AUTS2: variants seen among roughly 807,000 people sequenced by gnomAD.
AUTS2 encodes activator of transcription and developmental regulator AUTS2, also known as autism susceptibility gene 2 protein.
Under a neutral mutation model 112.4 loss-of-function variants are expected in AUTS2, and 17 were observed. The ratio of observed to expected loss-of-function variants is 0.15; its 90% CI spans 0.10 to 0.23. AUTS2 has a LOEUF of 0.23. Ranked by LOEUF, AUTS2 falls within the 10% of genes least tolerant of loss-of-function variation. AUTS2 has a pLI of 1.00. For synonymous variants in AUTS2, 751 were observed against 702.7 expected, an observed-to-expected ratio of 1.07 and a Z score of -1.09; for missense variants, 1,510 against 1,701.6, an observed-to-expected ratio of 0.89 and a Z score of 1.98.
At chr7:69,886,598 T>A (rs951655707) in intron 1 of AUTS2, among the ~76,000 whole-genome samples, 2 of 152,206 alleles carry the variant, frequency 1.3e-5, no homozygotes, top group Admixed American at 1.3e-4. Context: ...AGAATGTCTC[T>A]CTCTTCCCCA....
chr7:70,083,080 AT>A (rs993676493), intron 2 of AUTS2, among the ~76,000 whole-genome samples: 3 of 152,154 alleles, frequency 2.0e-5, no homozygotes, highest in Non-Finnish European at 4.4e-5. Context: ...AATGATGATT[AT>A]TTTAATAATG....
chr7:70,441,083 C>A (rs1477574489), intron 5 of AUTS2, among the ~76,000 whole-genome samples: 1 of 152,176 alleles, frequency 6.6e-6, no homozygotes, highest in African/African-American at 2.4e-5. Context: ...ACATGTGCCA[C>A]CCATGCTTAT....
At chr7:69,882,823 A>T (rs1392532357) in intron 1 of AUTS2, among the ~76,000 whole-genome samples, 1 of 152,212 alleles carries the variant, frequency 6.6e-6, no homozygotes, top group Non-Finnish European at 1.5e-5. Context: ...CACAATCTTG[A>T]GGATATATGG....
chr7:70,591,797 C>G (rs1296670390), intron 5 of AUTS2, among the ~76,000 whole-genome samples: 1 of 152,192 alleles, frequency 6.6e-6, no homozygotes, highest in Non-Finnish European at 1.5e-5. Flanking sequence ...TTGCTGGTCT[C>G]TTTTCTCTCA....
At chr7:69,604,976 A>C (rs545057069) in intron 1 of AUTS2, among the ~76,000 whole-genome samples, 4 of 152,332 alleles carry the variant, frequency 2.6e-5, no homozygotes, top group African/African-American at 4.8e-5. Flanking sequence ...CTGAAACTTG[A>C]TGGGCTAGAC....
At chr7:70,679,433 G>T (rs1378959899) in intron 5 of AUTS2, among the ~76,000 whole-genome samples, 1 of 152,132 alleles carries the variant, frequency 6.6e-6, no homozygotes, top group African/African-American at 2.4e-5. Flanking sequence ...CTTATCCCTG[G>T]ATCCCACAGC....
chr7:69,879,511 G>A (rs967474354), intron 1 of AUTS2, among the ~76,000 whole-genome samples: 7 of 151,924 alleles, frequency 4.6e-5, no homozygotes, highest in Non-Finnish European at 8.8e-5. Flanking sequence ...TTATTTCCTC[G>A]CCAGTAATAT....
At chr7:70,091,593 G>A (rs747404437) in intron 2 of AUTS2, among the ~76,000 whole-genome samples, 1 of 152,150 alleles carries the variant, frequency 6.6e-6, no homozygotes, top group Non-Finnish European at 1.5e-5. Flanking sequence ...TGGGATTGCT[G>A]AGGTTTTCAA....
chr7:70,206,635 C>T (rs1422926918), intron 4 of AUTS2, among the ~76,000 whole-genome samples: 1 of 152,182 alleles, frequency 6.6e-6, no homozygotes, highest in Non-Finnish European at 1.5e-5. Context: ...TGTGAATACA[C>T]ACTTAGGATA....
chr7:70,719,241 C>G (rs1256394972), intron 6 of AUTS2, among the ~76,000 whole-genome samples: 1 of 152,180 alleles, frequency 6.6e-6, no homozygotes, highest in Non-Finnish European at 1.5e-5. Flanking sequence ...ACATCCATAT[C>G]TCCCCTGAGC....
At chr7:69,952,362 A>T (rs1797060217) in intron 2 of AUTS2, among the ~76,000 whole-genome samples, 1 of 152,190 alleles carries the variant, frequency 6.6e-6, no homozygotes, top group Admixed American at 6.5e-5. Flanking sequence ...GGGCAGCAGC[A>T]TGTGTCCTGG....
chr7:70,245,132 AAGTGTGT>A (rs1326231152), intron 4 of AUTS2, among the ~76,000 whole-genome samples: 8,568 of 97,794 alleles, frequency 0.088, 412 homozygotes, highest in South Asian at 0.11. Context: ...AAAAAAAAAA[AAGTGTGT>A]GTGTGTATAT....
chr7:70,778,623 C>A (rs1051242064), intron 14 of AUTS2, among the ~76,000 whole-genome samples: 11 of 151,458 alleles, frequency 7.3e-5, no homozygotes, highest in Non-Finnish European at 1.3e-4. Context: ...TTTTAAGATG[C>A]AAACCTCAGT....
chr7:70,191,791 T>G (rs1809910596), intron 4 of AUTS2, among the ~76,000 whole-genome samples: 1 of 152,020 alleles, frequency 6.6e-6, no homozygotes, highest in Non-Finnish European at 1.5e-5. Flanking sequence ...CCAGGCCCGG[T>G]GGCTCACAAC....
chr7:70,718,684 CA>C (rs1166416151), intron 6 of AUTS2, among the ~76,000 whole-genome samples: 1 of 152,146 alleles, frequency 6.6e-6, no homozygotes, highest in Admixed American at 6.5e-5. Flanking sequence ...AACAAACAAA[CA>C]AAAAAACCCA....
At chr7:70,688,406 A>G (rs576927838) in intron 5 of AUTS2, among the ~76,000 whole-genome samples, 1 of 152,368 alleles carries the variant, frequency 6.6e-6, no homozygotes, top group South Asian at 2.1e-4. Flanking sequence ...TGTTGTCTCC[A>G]GACACACATC....
chr7:69,671,791 T>TC (rs1796341381), intron 1 of AUTS2, among the ~76,000 whole-genome samples: 1 of 150,078 alleles, frequency 6.7e-6, no homozygotes, highest in South Asian at 2.1e-4. Flanking sequence ...ATTTTTGTCC[T>TC]ATTTTATTTT....
chr7:70,532,968 C>T (rs1054629200), intron 5 of AUTS2, among the ~76,000 whole-genome samples: 5 of 152,106 alleles, frequency 3.3e-5, no homozygotes, highest in African/African-American at 9.7e-5. Flanking sequence ...GATTATAATC[C>T]TCATTCTTGT....
At chr7:69,701,373 A>G (rs146723867) in intron 1 of AUTS2, among the ~76,000 whole-genome samples, 1 of 152,270 alleles carries the variant, frequency 6.6e-6, no homozygotes, top group African/African-American at 2.4e-5. Flanking sequence ...CTACTAACTG[A>G]AATGCCATTC....
Sources: allele counts gnomAD v4.1 joint callset (sites outside exome capture counted in the v4.1 genomes callset), GRCh38; gene constraint gnomAD v4.1.1; transcripts MANE v1.5; gene names NCBI Gene and HGNC (gene_info 2026-07-23, HGNC 2026-07-21).